Variants in CRTAC1 observed in about 807,000 individuals in gnomAD.
The protein encoded by CRTAC1 is acidic secreted protein in cartilage.
Under a neutral mutation model 67.8 loss-of-function variants are expected in CRTAC1, and 37 were observed. The ratio of observed to expected loss-of-function variants is 0.55; its 90% CI spans 0.42 to 0.72. The LOEUF is 0.72. Among genes scored for constraint, CRTAC1 ranks in the 30% least tolerant of loss-of-function variants. CRTAC1 has a pLI of 0.00. For synonymous variants in CRTAC1, 348 were observed against 371.0 expected (o/e 0.94, Z 0.71); for missense variants, 780 against 931.6 (o/e 0.84, Z 2.12).
At chr10:97,894,241 T>C (rs1276590979) in intron 11 of CRTAC1, among the ~76,000 whole-genome samples, 2 of 152,168 alleles carry the variant, frequency 1.3e-5, no homozygotes, top group East Asian at 3.9e-4. Flanking sequence ...GTAGGAGAGA[T>C]CCAGTTTCTC....
intron 2 of CRTAC1, among the ~76,000 whole-genome samples, chr10:97,991,995 T>G (rs1400675242): frequency 1.3e-5 from 2 of 152,206 alleles, no homozygotes; most frequent in Non-Finnish European, 2.9e-5. Flanking sequence ...GTTTTGCATG[T>G]GGGGATGCAG....
intron 2 of CRTAC1, among the ~76,000 whole-genome samples, chr10:97,963,668 G>T (rs1044077220): frequency 1.3e-5 from 2 of 152,200 alleles, no homozygotes; most frequent in African/African-American, 4.8e-5. Context: ...TCCTCAGGAA[G>T]GTAGTATAAT....
chr10:97,879,506 G>T, intron 14 of CRTAC1: 1 of 694,050 alleles, frequency 1.4e-6, no homozygotes, highest in Non-Finnish European at 2.3e-6. Context: ...AACAACTAAG[G>T]TTGTGTCAGT....
chr10:97,936,257 C>A lies in CRTAC1; in HGVS notation c.334G>T (p.Gly112Trp). Reference sequence around the variant, plus strand: ...CAGGCTGTGACCCCGATGGCGTTCCCCTGCCGGTCCCGCAGCGCGTAGTAG... The same window carrying A: ...CAGGCTGTGACCCCGATGGCGTTCCACTGCCGGTCCCGCAGCGCGTAGTAG... ...SPYYALRDRQGNAIGVTACDI... is the reference protein window; with the variant it reads ...SPYYALRDRQWNAIGVTACDI... The change falls in exon 3 of 15, where the codon GGG (glycine) becomes TGG (tryptophan). Residue 112 changes from glycine (G) to tryptophan (W), a missense_variant. Transcript: ENST00000370597. 1.2e-6 allele frequency: 2 copies of A among 1,614,190 alleles called. No homozygotes were observed. Among genetic ancestry groups the A allele is most frequent in the Non-Finnish European group, 1.7e-6 (2 of 1,180,018 alleles).
At chr10:98,028,419 C>T (rs753163904) in intron 1 of CRTAC1, among the ~76,000 whole-genome samples, 1 of 152,194 alleles carries the variant, frequency 6.6e-6, no homozygotes, top group African/African-American at 2.4e-5. Flanking sequence ...CGCCTCAGCA[C>T]GGAAGCAAGG....
At chr10:97,981,995 A>T (rs1255444049) in intron 2 of CRTAC1, among the ~76,000 whole-genome samples, 1 of 152,220 alleles carries the variant, frequency 6.6e-6, no homozygotes, top group Non-Finnish European at 1.5e-5. Context: ...CATTACAGGA[A>T]ATCCCTGTAC....
chr10:97,885,699 G>A (rs1346014927), intron 11 of CRTAC1, among the ~76,000 whole-genome samples: 2 of 152,104 alleles, frequency 1.3e-5, no homozygotes, highest in Non-Finnish European at 2.9e-5. Context: ...TCTCAGGTCA[G>A]CCCCTGGGAA....
chr10:97,962,954 C>A (rs1203332312), intron 2 of CRTAC1, among the ~76,000 whole-genome samples: 5 of 152,068 alleles, frequency 3.3e-5, no homozygotes, highest in Non-Finnish European at 7.4e-5. Context: ...AAAGAGACTG[C>A]ACTGAGAAAC....
At chr10:97,934,005 C>T (rs529333053) in intron 3 of CRTAC1, among the ~76,000 whole-genome samples, 11 of 152,278 alleles carry the variant, frequency 7.2e-5, no homozygotes, top group Non-Finnish European at 1.5e-4. Flanking sequence ...CAATGCAACA[C>T]TCTAAGAGCG....
chr10:97,874,610 C>G (rs657248), intron 14 of CRTAC1, among the ~76,000 whole-genome samples: 23 of 152,038 alleles, frequency 1.5e-4, no homozygotes, highest in African/African-American at 4.1e-4. Flanking sequence ...TGAACGGGCC[C>G]GGGGCTCCAT....
rs192446497 is a variant in CRTAC1 at position 97,942,743 on chromosome 10, T to C, written c.225-6377A>G. On this transcript the variant is annotated intron_variant, in intron 2 of 14. Transcript: ENST00000370597. Reference sequence around the variant, plus strand: ...AAAATTAAGAACAGAGAAATTGTTTTCATTAAAATTTTTTTTCCATTAAAA... The same window carrying C: ...AAAATTAAGAACAGAGAAATTGTTTCCATTAAAATTTTTTTTCCATTAAAA... Among the ~76,000 whole-genome samples the C allele has an allele frequency of 4.1e-3, 626 of 151,910 alleles. 2 individuals carry two copies. Among genetic ancestry groups the C allele is most frequent in the African/African-American group, 0.014 (566 of 41,442 alleles).
At chr10:97,977,593 G>T (rs1251104233) in intron 2 of CRTAC1, among the ~76,000 whole-genome samples, 10 of 152,024 alleles carry the variant, frequency 6.6e-5, no homozygotes, top group Admixed American at 3.3e-4. Flanking sequence ...CAACTCACCA[G>T]GGTACCAACT....
Position 97,908,146 on chromosome 10 carries a change from C to T in CRTAC1, c.717G>A (p.Gly239=). ...AAEAGVSKYT[G]GRGVSVGPIL... ...TGGGGCCCACGCTGACGCCTCGGCC[C>T]CCTAGAAAAGACATCGACCCACAGT... Residue 239 remains glycine, a splice_region_variant and synonymous_variant, in exon 6 of 15, where the codon GGG becomes GGA. Coordinates refer to ENST00000370597, the MANE Select transcript of CRTAC1 (RefSeq NM_018058.7). 1 of 1,613,970 alleles carries T rather than the reference C, an allele frequency of 6.2e-7. No individual in the cohort carries two copies. The highest frequency in any genetic ancestry group is 8.5e-7 in the Non-Finnish European group (1 of 1,179,964).
intron 2 of CRTAC1, among the ~76,000 whole-genome samples, chr10:97,996,901 G>A (rs1052155173): frequency 3.3e-5 from 5 of 152,014 alleles, no homozygotes; most frequent in Admixed American, 6.6e-5. Flanking sequence ...ATACTATGCA[G>A]CCAGAAAAAA....
At chr10:97,966,475 G>T (rs2051618251) in intron 2 of CRTAC1, among the ~76,000 whole-genome samples, 1 of 152,120 alleles carries the variant, frequency 6.6e-6, no homozygotes. Flanking sequence ...AAATTGCAAG[G>T]GTAGTATAGT....
In CRTAC1 at chr10:97,895,980, C is replaced by T; in HGVS notation, c.1222G>A (p.Val408Met). Residue 408 changes from valine to methionine, a missense_variant, in exon 10 of 15, where the codon GTG becomes ATG. Physicochemically the swap from Val to Met is conservative, Grantham distance 21. Transcript: ENST00000370597. This position sits in a 1 kb window ranked among gnomAD's most constrained non-coding sequence, Gnocchi z 4.2. The part of the protein sequence containing the change: ...LEPEGRGTGG[V>M]VTDFDGDGML... ...CCGTCTCCGTCGAAGTCGGTCACCA[C>T]ACCCCCTACAAACAATGCAGATTTC... The T allele has an allele frequency of 6.2e-7, 1 of 1,613,948 alleles. No individual in the cohort carries two copies. The highest frequency in any genetic ancestry group is 1.1e-5 in the South Asian group (1 of 91,074).
chr10:97,878,739 A>G, intron 14 of CRTAC1: 3 of 1,298,922 alleles, frequency 2.3e-6, no homozygotes, highest in South Asian at 1.2e-5. Flanking sequence ...CCAGCCAGAC[A>G]TTGAGGAGTC....
In CRTAC1 at chr10:97,895,227, C is replaced by T. The variant is rs767143031; in HGVS notation, c.1486+18G>A. 5 of 1,604,980 alleles carry T rather than the reference C, an allele frequency of 3.1e-6. No homozygotes were observed. The highest frequency in any genetic ancestry group is 4.2e-6 in the Non-Finnish European group (5 of 1,179,356). On this transcript the variant is annotated intron_variant, in intron 11 of 14. Coordinates refer to ENST00000370597, the MANE Select transcript of CRTAC1 (RefSeq NM_018058.7). The surrounding 1 kb of genome is among the most constrained non-coding windows in gnomAD (Gnocchi z 4.2). ...ATCCTGATAACAGCTCACTGTCCCC[C>T]ACCGGACCCCGACTCACCCAGGCCA...
chr10:97,948,038 C>T (rs2051292307), intron 2 of CRTAC1, among the ~76,000 whole-genome samples: 1 of 149,044 alleles, frequency 6.7e-6, no homozygotes, highest in African/African-American at 2.5e-5. Flanking sequence ...AAGGATTGGC[C>T]AAGGAAGAGA....
Sources: gnomAD v4.1 joint callset for allele counts (sites outside exome capture counted in the v4.1 genomes callset) on GRCh38, gnomAD v4.1.1 for gene constraint, Gnocchi (gnomAD v3.1) non-coding constraint, MANE v1.5 for transcripts, NCBI Gene and HGNC (gene_info 2026-07-23, HGNC 2026-07-21) for gene names.